The following GALNT18 variants were observed in gnomAD, a reference collection of about 807,000 sequenced individuals.
GALNT18 encodes polypeptide N-acetylgalactosaminyltransferase 18, also known as GalNAc-transferase 18.
In GALNT18, 44 loss-of-function variants were observed where a neutral mutation model predicts 69.5. The observed-to-expected ratio is 0.63, with a 90% confidence interval of 0.50 to 0.81. The LOEUF (loss-of-function observed/expected upper bound fraction) is 0.81. Among genes scored for constraint, GALNT18 ranks in the 40% least tolerant of loss-of-function variants. The pLI, the probability that GALNT18 is intolerant of heterozygous loss-of-function variation, is 0.00. For missense variants in GALNT18, 715 were observed against 810.0 expected, an observed-to-expected ratio of 0.88 and a Z score of 1.42; for synonymous variants, 364 against 318.2, an observed-to-expected ratio of 1.14 and a Z score of -1.53.
chr11:11,297,049 G>T (rs1849414379), intron 9 of GALNT18, among the ~76,000 whole-genome samples: 1 of 152,156 alleles, frequency 6.6e-6, no homozygotes, highest in East Asian at 1.9e-4. Context: ...GTCCTCAGTG[G>T]AGGAATGTTA....
intron 3 of GALNT18, among the ~76,000 whole-genome samples, chr11:11,401,780 A>G (rs1368996670): frequency 6.6e-6 from 1 of 152,232 alleles, no homozygotes; most frequent in East Asian, 1.9e-4. Context: ...TCTAAACATT[A>G]AAGAGACACA....
rs1855987839 is a variant in GALNT18 at position 11,459,248 on chromosome 11, T to C, written c.236-10312A>G. Among the ~76,000 whole-genome samples the C allele has an allele frequency of 6.6e-6, 1 of 152,110 alleles. No individual in the cohort carries two copies. On this transcript the variant is annotated intron_variant, in intron 1 of 10. Coordinates refer to ENST00000227756, the MANE Select transcript of GALNT18 (RefSeq NM_198516.3). This position sits in a 1 kb window ranked among gnomAD's most constrained non-coding sequence, Gnocchi z 5.0. ...GTCTTTTGCCAATGGTCCCCACAAT[T>C]AGGCTTTCTCTTCCTGGAATCCTCA...
intron 1 of GALNT18, among the ~76,000 whole-genome samples, chr11:11,610,913 G>A (rs1322005000): frequency 3.9e-5 from 6 of 152,110 alleles, no homozygotes; most frequent in Non-Finnish European, 8.8e-5. Flanking sequence ...AGCCTGTCCC[G>A]CTTGTTGAAA....
In GALNT18 at chr11:11,592,140, T is replaced by C. The variant is rs1859373595; in HGVS notation, c.235+29219A>G. 6.6e-6 allele frequency among the ~76,000 whole-genome samples: 1 copy of C among 152,180 alleles called. No individual in the cohort carries two copies. The highest frequency in any genetic ancestry group is 2.4e-5 in the African/African-American group (1 of 41,442). Reference sequence around the variant, plus strand: ...TATTTGGCACAAACCAGAAAAACTTTTCAGCAAGTTAAGGAGATTCCTATT... The same window carrying C: ...TATTTGGCACAAACCAGAAAAACTTCTCAGCAAGTTAAGGAGATTCCTATT... On this transcript the variant is annotated intron_variant, in intron 1 of 10. Coordinates refer to ENST00000227756, the MANE Select transcript of GALNT18 (RefSeq NM_198516.3). This position sits in a 1 kb window ranked among gnomAD's most constrained non-coding sequence, Gnocchi z 5.9.
intron 6 of GALNT18, among the ~76,000 whole-genome samples, chr11:11,367,032 C>T (rs1039524220): frequency 1.3e-5 from 2 of 152,156 alleles, no homozygotes; most frequent in Non-Finnish European, 2.9e-5. Flanking sequence ...ATAAGGAAAC[C>T]TTAAATGATC....
intron 3 of GALNT18, among the ~76,000 whole-genome samples, chr11:11,397,588 C>T (rs976090187): frequency 1.3e-5 from 2 of 152,126 alleles, no homozygotes; most frequent in African/African-American, 2.4e-5. Context: ...CTCAGCCTCC[C>T]AAGTAGCTGG....
intron 9 of GALNT18, among the ~76,000 whole-genome samples, chr11:11,307,447 T>A (rs1410504489): frequency 6.6e-6 from 1 of 152,192 alleles, no homozygotes; most frequent in African/African-American, 2.4e-5. Flanking sequence ...GATGAGGGCA[T>A]GTCCATTTTT....
intron 6 of GALNT18, among the ~76,000 whole-genome samples, chr11:11,366,201 C>A (rs1451312327): frequency 6.6e-6 from 1 of 152,162 alleles, no homozygotes; most frequent in Non-Finnish European, 1.5e-5. Context: ...CTTTGAGATA[C>A]CCATGTCCTT....
rs1161984129 is a variant in GALNT18, at chr11:11,315,399, A to G, written c.1512+11687T>C. On this transcript the variant is annotated intron_variant, in intron 9 of 10. Transcript: ENST00000227756. This position sits in a 1 kb window ranked among gnomAD's most constrained non-coding sequence, Gnocchi z 5.6. The stretch of plus-strand genomic sequence containing the variant: ...CCAATGAGGAGACAGACAGAATAGC[A>G]CGTTCCTGAGCTCTGGAACACAGGC... Among the ~76,000 whole-genome samples the G allele has an allele frequency of 6.6e-6, 1 of 152,144 alleles. No individual in the cohort carries two copies. Among genetic ancestry groups the G allele is most frequent in the African/African-American group, 2.4e-5 (1 of 41,422 alleles).
At chr11:11,551,529 T>C (rs1401769446) in intron 1 of GALNT18, among the ~76,000 whole-genome samples, 2 of 152,172 alleles carry the variant, frequency 1.3e-5, no homozygotes, top group African/African-American at 4.8e-5. Context: ...AAGGGTGCAG[T>C]GGCCTTAATT....
In GALNT18 at chr11:11,500,074, G is replaced by T. The variant is rs1457480055; in HGVS notation, c.236-51138C>A. ...AAATCAAAAAGAGAGGCCAAGCATT[G>T]TTGAAACATGGCATCTTCCCACATT... On this transcript the variant is annotated intron_variant, in intron 1 of 10. Coordinates refer to ENST00000227756, the MANE Select transcript of GALNT18 (RefSeq NM_198516.3). The surrounding 1 kb of genome is among the most constrained non-coding windows in gnomAD (Gnocchi z 5.0). Among the ~76,000 whole-genome samples the T allele has an allele frequency of 6.6e-6, 1 of 152,202 alleles. No individual in the cohort carries two copies. The highest frequency in any genetic ancestry group is 2.4e-5 in the African/African-American group (1 of 41,454).
At chr11:11,593,621 T>C (rs561631418) in intron 1 of GALNT18, among the ~76,000 whole-genome samples, 1 of 152,298 alleles carries the variant, frequency 6.6e-6, no homozygotes, top group Admixed American at 6.5e-5. Flanking sequence ...TAAGTGATTG[T>C]CACCCTTTAA....
chr11:11,551,239 A>C (rs926063822), intron 1 of GALNT18, among the ~76,000 whole-genome samples: 3 of 152,172 alleles, frequency 2.0e-5, no homozygotes, highest in Non-Finnish European at 2.9e-5. Flanking sequence ...AACTAAATAA[A>C]GTTGCTACCC....
chr11:11,282,318 G>A (rs1489505307), intron 10 of GALNT18, among the ~76,000 whole-genome samples: 3 of 152,178 alleles, frequency 2.0e-5, no homozygotes, highest in African/African-American at 7.2e-5. Flanking sequence ...TGCAGGTTCT[G>A]CAGCTGAGAT....
intron 3 of GALNT18, among the ~76,000 whole-genome samples, chr11:11,408,821 A>AT (rs1196155098): frequency 6.6e-6 from 1 of 152,136 alleles, no homozygotes; most frequent in Admixed American, 6.5e-5. Flanking sequence ...ATGAGTATAT[A>AT]TGGCACAGGG....
At position 11,337,152 on chromosome 11, in the gene GALNT18, G is replaced by A. The variant is rs1412486633; in HGVS notation, c.1278+3667C>T. Among the ~76,000 whole-genome samples, 2 of 152,272 alleles carry A rather than the reference G, an allele frequency of 1.3e-5. No homozygotes were observed. Among genetic ancestry groups the A allele is most frequent in the South Asian group, 2.1e-4 (1 of 4,818 alleles). ...CTCTCTGAGGATGAGACCCAGATGA[G>A]TATTTTTTTAAAAGTTCTTCAAGCG... On this transcript the variant is annotated intron_variant, in intron 7 of 10. Coordinates refer to ENST00000227756, the MANE Select transcript of GALNT18 (RefSeq NM_198516.3). This position sits in a 1 kb window ranked among gnomAD's most constrained non-coding sequence, Gnocchi z 4.9.
intron 10 of GALNT18, 48 bp from the exon 11 acceptor site, chr11:11,271,338 G>T (rs538911363): frequency 1.8e-5 from 28 of 1,584,642 alleles, no homozygotes; most frequent in Non-Finnish European, 2.2e-5. Flanking sequence ...GAGGCAACAT[G>T]CAGAAATTCG....
rs141814912 is a variant in GALNT18, at chr11:11,501,945, G to A, written c.236-53009C>T. 1.1e-3 allele frequency among the ~76,000 whole-genome samples: 169 copies of A among 152,330 alleles called. 4 individuals carry two copies. Among genetic ancestry groups the A allele is most frequent in the African/African-American group, 3.9e-3 (162 of 41,582 alleles). On this transcript the variant is annotated intron_variant, in intron 1 of 10. Transcript: ENST00000227756. ...GAGAGGCCTGAGATCTTGCTTCTAC[G>A]TTGCTTGCTCCTTTGCCCACTGCCT...
chr11:11,581,844 C>G (rs1859096183), intron 1 of GALNT18, among the ~76,000 whole-genome samples: 1 of 152,032 alleles, frequency 6.6e-6, no homozygotes, highest in Non-Finnish European at 1.5e-5. Context: ...CTGGGAGCCT[C>G]TTTTCTTTGA....
Sources: allele counts gnomAD v4.1 joint callset (sites outside exome capture counted in the v4.1 genomes callset), GRCh38; gene constraint gnomAD v4.1.1; non-coding constraint Gnocchi (gnomAD v3.1); transcripts MANE v1.5; gene names NCBI Gene and HGNC (gene_info 2026-07-23, HGNC 2026-07-21).